ARHGAP15: variants seen among roughly 807,000 people sequenced by gnomAD.
ARHGAP15 encodes Rho GTPase activating protein 15.
ARHGAP15 carries 51 observed loss-of-function variants against 63.7 expected under a neutral mutation model. The ratio of observed to expected loss-of-function variants is 0.80; its 90% CI spans 0.64 to 1.01. The LOEUF (loss-of-function observed/expected upper bound fraction) is 1.01. Among genes scored for constraint, ARHGAP15 ranks in the 50% least tolerant of loss-of-function variants. The pLI is 0.00. For missense variants in ARHGAP15, 560 were observed against 564.6 expected, an observed-to-expected ratio of 0.99 and a Z score of 0.08; for synonymous variants, 191 against 193.8, an observed-to-expected ratio of 0.99 and a Z score of 0.12.
chr2:143,589,532 T>C (rs1697243260), intron 11 of ARHGAP15, among the ~76,000 whole-genome samples: 1 of 152,174 alleles, frequency 6.6e-6, no homozygotes, highest in Admixed American at 6.5e-5. Flanking sequence ...AAAGGCCCCA[T>C]CTAGTTTGTG....
chr2:143,538,865 G>A (rs1012752299), intron 10 of ARHGAP15, among the ~76,000 whole-genome samples: 2 of 152,158 alleles, frequency 1.3e-5, no homozygotes, highest in Non-Finnish European at 2.9e-5. Flanking sequence ...TCTCTGCCAG[G>A]CTTTGGTATC....
chr2:143,261,417 C>T (rs1240997533), intron 6 of ARHGAP15, among the ~76,000 whole-genome samples: 9 of 144,858 alleles, frequency 6.2e-5, no homozygotes, highest in South Asian at 2.2e-4. Flanking sequence ...TGGTTCACTG[C>T]AACCTCCGTC....
chr2:143,668,422 A>G (rs1020791784), intron 12 of ARHGAP15, among the ~76,000 whole-genome samples: 10 of 151,906 alleles, frequency 6.6e-5, no homozygotes, highest in Non-Finnish European at 1.2e-4. Context: ...GTGAGTCTCT[A>G]TTCCTCCCTA....
chr2:143,563,290 T>A (rs1696099491), intron 11 of ARHGAP15, among the ~76,000 whole-genome samples: 1 of 152,224 alleles, frequency 6.6e-6, no homozygotes, highest in African/African-American at 2.4e-5. Flanking sequence ...ACTATTGCAT[T>A]TTCTTGGTAA....
intron 2 of ARHGAP15, among the ~76,000 whole-genome samples, chr2:143,176,748 G>C (rs1691024945): frequency 6.6e-6 from 1 of 152,212 alleles, no homozygotes; most frequent in African/African-American, 2.4e-5. Flanking sequence ...GTTTGGGCAG[G>C]ATTCACAAGG....
At chr2:143,487,228 T>A in intron 8 of ARHGAP15, 145 bp from the exon 9 acceptor site, 1 of 884,922 alleles carries the variant, frequency 1.1e-6, no homozygotes. Flanking sequence ...CAAATTTTAC[T>A]CACATGGCTT....
rs1318973039 is a variant in ARHGAP15 at position 143,350,675 on chromosome 2, AAAAG to A, written c.475-84918_475-84915del. On this transcript the variant is annotated intron_variant, in intron 6 of 13. Coordinates refer to ENST00000295095, the MANE Select transcript of ARHGAP15 (RefSeq NM_018460.4). The stretch of plus-strand genomic sequence containing the variant: ...TCTATTAAAAATTAAAAAAAAAAAA[AAAAG>A]AAAGAAAAAATTAGCCAGGCGTGGT... Among the ~76,000 whole-genome samples, 997 of 149,354 alleles carry A rather than the reference AAAAG, an allele frequency of 6.7e-3. 11 individuals are homozygous for A. The highest frequency in any genetic ancestry group is 0.021 in the African/African-American group (844 of 40,818).
intron 1 of ARHGAP15, among the ~76,000 whole-genome samples, chr2:143,136,433 C>T (rs1392098364): frequency 2.0e-5 from 3 of 151,990 alleles, no homozygotes; most frequent in Non-Finnish European, 4.4e-5. Context: ...ATAAAACACA[C>T]ACACCAATTT....
chr2:143,165,982 GAAAGAAAGAAAGAAA>G (rs1690494591), intron 2 of ARHGAP15, among the ~76,000 whole-genome samples: 4 of 115,826 alleles, frequency 3.5e-5, no homozygotes, highest in Admixed American at 1.8e-4. Context: ...AAGAAAGAAA[GAAAGAAAGAAAGAAA>G]GAAAGAAGGA....
chr2:143,594,794 T>C (rs1169446399), intron 11 of ARHGAP15, among the ~76,000 whole-genome samples: 1 of 152,202 alleles, frequency 6.6e-6, no homozygotes, highest in African/African-American at 2.4e-5. Flanking sequence ...GAGCAAATGT[T>C]ACAGGAGCCT....
At chr2:143,716,227 C>T (rs775564047) in intron 13 of ARHGAP15, among the ~76,000 whole-genome samples, 2 of 152,102 alleles carry the variant, frequency 1.3e-5, no homozygotes, top group African/African-American at 4.8e-5. Context: ...TAAAAGGGTG[C>T]AAGCACTACA....
rs988925619 is a variant in ARHGAP15, at chr2:143,263,783, T to G, written c.474+13183T>G. Among the ~76,000 whole-genome samples, 5 of 152,114 alleles carry G rather than the reference T, an allele frequency of 3.3e-5. No individual in the cohort carries two copies. The South Asian group carries it at 1.0e-3, about 32-fold the overall frequency. ...TCACCTTCCATTGCCTGGAAATCAG[T>G]CTATATTCTAACCTCAGGCTACCCT... On this transcript the variant is annotated intron_variant, in intron 6 of 13. Transcript: ENST00000295095.
At chr2:143,312,035 T>C (rs1314989293) in intron 6 of ARHGAP15, among the ~76,000 whole-genome samples, 3 of 152,102 alleles carry the variant, frequency 2.0e-5, no homozygotes, top group Non-Finnish European at 2.9e-5. Flanking sequence ...GTTAAGGGTA[T>C]AATGTATTTT....
intron 11 of ARHGAP15, chr2:143,606,765 C>T (rs1382991892): frequency 6.6e-6 from 1 of 152,130 alleles, no homozygotes; most frequent in Non-Finnish European, 1.5e-5. Context: ...AAAAATTGGA[C>T]CACTACAGGC....
At chr2:143,754,643 T>G (rs546994020) in intron 13 of ARHGAP15, among the ~76,000 whole-genome samples, 1 of 152,284 alleles carries the variant, frequency 6.6e-6, no homozygotes, top group South Asian at 2.1e-4. Context: ...CCTCAAGCCT[T>G]CTAACAGCCT....
At chr2:143,565,446 T>A (rs1696183674) in intron 11 of ARHGAP15, among the ~76,000 whole-genome samples, 1 of 152,170 alleles carries the variant, frequency 6.6e-6, no homozygotes, top group Non-Finnish European at 1.5e-5. Flanking sequence ...ATGTATGAAA[T>A]TAAGGTTTGA....
intron 12 of ARHGAP15, among the ~76,000 whole-genome samples, chr2:143,642,536 A>G (rs1032684720): frequency 2.6e-5 from 4 of 152,148 alleles, no homozygotes; most frequent in African/African-American, 9.7e-5. Context: ...AAGCCAAATA[A>G]GAGGAGAGCA....
chr2:143,345,648 TTTTGCAGGC>T (rs1414284062), intron 6 of ARHGAP15, among the ~76,000 whole-genome samples: 3 of 152,146 alleles, frequency 2.0e-5, no homozygotes, highest in African/African-American at 7.2e-5. Flanking sequence ...TCTTTCATTT[TTTTGCAGGC>T]TTTGGGTACA....
At chr2:143,202,983 A>G (rs983212305) in intron 3 of ARHGAP15, among the ~76,000 whole-genome samples, 1 of 152,088 alleles carries the variant, frequency 6.6e-6, no homozygotes, top group African/African-American at 2.4e-5. Flanking sequence ...CTTTCTTTTA[A>G]TGACCTCTTT....
Sources: gnomAD v4.1 joint callset for allele counts (sites outside exome capture counted in the v4.1 genomes callset) on GRCh38, gnomAD v4.1.1 for gene constraint, MANE v1.5 for transcripts, NCBI Gene and HGNC (gene_info 2026-07-23, HGNC 2026-07-21) for gene names.